ENAM: variants seen among roughly 807,000 people sequenced by gnomAD.
The protein encoded by ENAM is enamelin, also known as amelogenesis imperfecta 2, hypocalcification (autosomal dominant).
In ENAM, 21 loss-of-function variants were observed where a neutral mutation model predicts 33.6. The ratio of observed to expected loss-of-function variants is 0.63; its 90% CI spans 0.44 to 0.90. ENAM has a LOEUF of 0.90. ENAM is among the 40% of genes least tolerant of loss of function. ENAM has a pLI of 0.00. For synonymous variants in ENAM, 473 were observed against 468.4 expected, an observed-to-expected ratio of 1.01 and a Z score of -0.13; for missense variants, 1,388 against 1,366.9, an observed-to-expected ratio of 1.02 and a Z score of -0.24.
chr4:70,631,987 A>G (rs904520704), intron 4 of ENAM, 94 bp downstream of exon 4: 3 of 1,100,402 alleles, frequency 2.7e-6, no homozygotes, highest in Middle Eastern at 2.2e-4. Flanking sequence ...CTCATATATA[A>G]TATTTCTTAT....
chr4:70,641,326 T>C (rs1738591729), intron 8 of ENAM, among the ~76,000 whole-genome samples: 1 of 152,066 alleles, frequency 6.6e-6, no homozygotes, highest in African/African-American at 2.4e-5. Context: ...ATTAAAAGCA[T>C]GGGCTGATGC....
intron 7 of ENAM, 45 bp from the exon 8 acceptor site, chr4:70,637,745 C>T (rs768112277): frequency 6.8e-6 from 10 of 1,475,786 alleles, no homozygotes; most frequent in East Asian, 4.5e-5. Context: ...ATGGCGGCAT[C>T]GAACGTGGTT....
intron 8 of ENAM, among the ~76,000 whole-genome samples, chr4:70,638,553 G>A (rs956281121): frequency 1.7e-4 from 25 of 147,768 alleles, no homozygotes; most frequent in African/African-American, 6.3e-4. Context: ...TCCAGCCTGG[G>A]TGACAGAGCG....
In ENAM at chr4:70,631,852, C is replaced by T; in HGVS notation, c.127C>T (p.His43Tyr). 6.2e-7 allele frequency: 1 copy of T among 1,613,990 alleles called. No homozygotes were observed. Among genetic ancestry groups the T allele is most frequent in the Non-Finnish European group, 8.5e-7 (1 of 1,179,896 alleles). ...LLGNSVAMPM[H>Y]MPRMPGFSSK... is the part of the protein sequence containing the mutation. Reference sequence around the variant, plus strand: ...ACTGACATTCTCTTACTTCCAGATGCACATGCCCCGAATGCCTGGATTTAG... The same window carrying T: ...ACTGACATTCTCTTACTTCCAGATGTACATGCCCCGAATGCCTGGATTTAG... The change falls in exon 4 of 9, where the codon CAC becomes TAC. Residue 43 changes from histidine to tyrosine, a missense_variant. His to Tyr is a moderately conservative substitution (Grantham distance 83, BLOSUM62 2). Coordinates refer to ENST00000396073, the MANE Select transcript of ENAM (RefSeq NM_031889.3).
intron 4 of ENAM, 136 bp downstream of exon 4, chr4:70,632,029 C>A: frequency 1.2e-6 from 1 of 842,830 alleles, no homozygotes; most frequent in Non-Finnish European, 2.0e-6. Flanking sequence ...ATTTGAAAGT[C>A]TTAAACTCTC....
rs1445051874 is a variant in ENAM at position 70,628,944 on chromosome 4, A to G, written c.-81A>G. The G allele has an allele frequency of 2.6e-5, 4 of 152,954 alleles. No homozygotes were observed. Among genetic ancestry groups the G allele is most frequent in the African/African-American group, 9.7e-5 (4 of 41,448 alleles). 9.5% of individuals were successfully genotyped at this position (152,954 alleles called of 1,614,324 possible). A position where few individuals can be genotyped will look rare whatever the true frequency, so the allele number is the denominator to read the frequency against. On this transcript the variant is annotated 5_prime_UTR_variant, in exon 1 of 9. Transcript: ENST00000396073. ...AAGTAAAAATTATTTTTTATATATT[A>G]CAGCTTCTAATTGGCATTGGGTGAG...
intron 6 of ENAM, among the ~76,000 whole-genome samples, chr4:70,634,939 C>T (rs1486129240): frequency 1.3e-5 from 2 of 152,140 alleles, no homozygotes; most frequent in South Asian, 2.1e-4. Context: ...TAAATAGTTT[C>T]GAAGTTTCAT....
At position 70,637,806 on chromosome 4, in the gene ENAM, G is replaced by T. The variant is rs757420971; in HGVS notation, c.551G>T (p.Gly184Val). 3 of 1,613,698 alleles carry T rather than the reference G, an allele frequency of 1.9e-6. No individual in the cohort carries two copies. Among genetic ancestry groups the T allele is most frequent in the Non-Finnish European group, 2.5e-6 (3 of 1,179,684 alleles). The change falls in exon 8 of 9, where the codon GGT (glycine) becomes GTT (valine). Residue 184 changes from glycine (G) to valine (V), a missense_variant. Gly to Val is a moderately radical substitution (Grantham distance 109, BLOSUM62 -3). Transcript: ENST00000396073. ...ACTTCTCAGAGGTTACCACCACCAG[G>T]TTATGGACGCCCACCAATCAGCAAT... The part of the protein sequence containing the change: ...WQIPQRLPPP[G>V]YGRPPISNEE...
chr4:70,641,892 A>G lies in ENAM; in HGVS notation c.589-123A>G, dbSNP rs1738606445. 5 of 766,016 alleles carry G rather than the reference A, an allele frequency of 6.5e-6. No individual in the cohort carries two copies. The East Asian group carries it at 1.2e-4, about 19-fold the overall frequency. The allele number at this position is 766,016 out of a possible 1,614,324, so 47.5% of individuals were successfully genotyped here. A position where few individuals can be genotyped will look rare whatever the true frequency, so the allele number is the denominator to read the frequency against. On this transcript the variant is annotated intron_variant, in intron 8 of 8. Transcript: ENST00000396073. ...AGAATCAAATTTCAAGAAAGAAAGT[A>G]AAGCTAATGATGTTAAAAGAATCAT...
chr4:70,641,897 T>C, intron 8 of ENAM, 118 bp from the exon 9 acceptor site: 1 of 783,884 alleles, frequency 1.3e-6, no homozygotes. Flanking sequence ...AAAGTAAAGC[T>C]AATGATGTTA....
At chr4:70,632,574 CTTAT>C in intron 4 of ENAM, 73 bp from the exon 5 acceptor site, 1 of 1,103,276 alleles carries the variant, frequency 9.1e-7, no homozygotes, top group Non-Finnish European at 1.4e-6. Flanking sequence ...AGAAATTTTA[CTTAT>C]TTCTTACGAT....
chr4:70,634,255 C>G, intron 5 of ENAM, 53 bp from the exon 6 acceptor site: 8 of 1,576,878 alleles, frequency 5.1e-6, no homozygotes, highest in Non-Finnish European at 7.0e-6. Flanking sequence ...AGGATGGAGA[C>G]AGCCTGAATC....
rs1332804306 is a variant in ENAM at position 70,642,107 on chromosome 4, C to G, written c.681C>G (p.Pro227=). 6.2e-7 allele frequency: 1 copy of G among 1,614,022 alleles called. No individual in the cohort carries two copies. The highest frequency in any genetic ancestry group is 1.7e-5 in the Admixed American group (1 of 60,010). The change falls in exon 9 of 9, where the codon CCC becomes CCG. Residue 227 remains proline (P), a synonymous_variant. Transcript: ENST00000396073. ...EEMFEQDFEK[P]KEEDPPKAES... is the part of the protein sequence containing the mutation. ...TGTTTGAACAAGATTTTGAAAAACC[C>G]AAAGAAGAAGATCCTCCTAAAGCAG...
intron 5 of ENAM, among the ~76,000 whole-genome samples, chr4:70,633,585 C>A (rs1264850376): frequency 6.6e-6 from 1 of 152,092 alleles, no homozygotes. Context: ...GGTATAGAGA[C>A]AGGTGTTAAA....
At chr4:70,629,596 C>T in intron 2 of ENAM, 42 bp downstream of exon 2, 5 of 1,371,080 alleles carry the variant, frequency 3.6e-6, no homozygotes, top group Middle Eastern at 1.8e-4. Flanking sequence ...TACAGGTTCT[C>T]AAACTAGATA....
rs1738712898 is a variant in ENAM at position 70,644,743 on chromosome 4, A to G, written c.3317A>G (p.Lys1106Arg). The G allele has an allele frequency of 1.9e-6, 3 of 1,614,062 alleles. No individual in the cohort carries two copies. Among genetic ancestry groups the G allele is most frequent in the Non-Finnish European group, 2.5e-6 (3 of 1,179,898 alleles). The change falls in exon 9 of 9, where the codon AAG becomes AGG. Residue 1106 changes from lysine to arginine, a missense_variant. Lys to Arg is a conservative substitution (Grantham distance 26, BLOSUM62 2). Coordinates refer to ENST00000396073, the MANE Select transcript of ENAM (RefSeq NM_031889.3). Reference sequence around the variant, plus strand: ...GAGTTAGCTACTGAGGAACAATTTAAGAGTATAAATGTAGACCCACTTGAT... The same window carrying G: ...GAGTTAGCTACTGAGGAACAATTTAGGAGTATAAATGTAGACCCACTTGAT... ...LVELATEEQF[K>R]SINVDPLDAD... is the part of the protein sequence containing the mutation.
intron 8 of ENAM, among the ~76,000 whole-genome samples, chr4:70,638,473 T>C (rs1481475663): frequency 7.0e-6 from 1 of 142,820 alleles, no homozygotes; most frequent in Non-Finnish European, 1.5e-5. Flanking sequence ...TTTTTTTTTT[T>C]TTTGAGACAG....
intron 8 of ENAM, 87 bp downstream of exon 8, chr4:70,637,930 A>G: frequency 1.0e-6 from 1 of 996,728 alleles, no homozygotes; most frequent in Non-Finnish European, 1.6e-6. Context: ...AGAAAGTTAA[A>G]ATCCAACACA....
At position 70,635,831 on chromosome 4, in the gene ENAM, G is replaced by A; in HGVS notation, c.472-1G>A. ...CACTCTGATTCTTTCTTTCTCTCTAGGCATTCCCACCATTTGGAAATGGGC... is the reference window on the plus strand; with the variant it reads ...CACTCTGATTCTTTCTTTCTCTCTAAGCATTCCCACCATTTGGAAATGGGC... On this transcript the variant is annotated splice_acceptor_variant, in intron 6 of 8. Transcript: ENST00000396073. LOFTEE classifies it high-confidence loss of function. 2 of 1,588,726 alleles carry A rather than the reference G, an allele frequency of 1.3e-6. No homozygotes were observed. The highest frequency in any genetic ancestry group is 1.7e-6 in the Non-Finnish European group (2 of 1,158,038).
Sources: gnomAD v4.1 joint callset for allele counts (sites outside exome capture counted in the v4.1 genomes callset) on GRCh38, gnomAD v4.1.1 for gene constraint, MANE v1.5 for transcripts, NCBI Gene and HGNC (gene_info 2026-07-23, HGNC 2026-07-21) for gene names.